TPST1: variants seen among roughly 807,000 people sequenced by gnomAD.
TPST1 encodes tyrosylprotein sulfotransferase 1, also known as protein-tyrosine sulfotransferase 1.
Under a neutral mutation model 34.8 loss-of-function variants are expected in TPST1, and 20 were observed. The ratio of observed to expected loss-of-function variants is 0.57; its 90% CI spans 0.40 to 0.84. The LOEUF (loss-of-function observed/expected upper bound fraction) is 0.84. Among genes scored for constraint, TPST1 ranks in the 40% least tolerant of loss-of-function variants. The pLI is 0.00. For synonymous variants in TPST1, 152 were observed against 159.4 expected (o/e 0.95, Z 0.35); for missense variants, 353 against 455.5 (o/e 0.78, Z 2.05).
rs191791933 is a variant in TPST1, at chr7:66,329,515, A to G, written c.1045-22990A>G. On this transcript the variant is annotated intron_variant, in intron 3 of 5. Transcript: ENST00000304842. ...TAAGAATAAAAGCATTTTCCTCGAC[A>G]ACTGATTATGTTAAAATTTGAAGAC... is the stretch of plus-strand genomic sequence containing the variant. Among the ~76,000 whole-genome samples the G allele has an allele frequency of 3.7e-4, 57 of 152,240 alleles. No individual in the cohort carries two copies. The East Asian group carries it at 0.01, about 27-fold the overall frequency.
chr7:66,200,420 C>CT (rs35086138), upstream of TPST1, among the ~76,000 whole-genome samples: 36,436 of 136,546 alleles, frequency 0.27, 5,290 homozygotes, highest in East Asian at 0.47. Context: ...GTGAAGTTAT[C>CT]TTTTTTTTTT....
Position 66,345,208 on chromosome 7 carries a change from T to C in TPST1, c.1045-7297T>C, listed in dbSNP as rs576378259. ...AAGTTAAGAAAACAAGCAAGATCAATACCAAATGCCAGGTGCGGTGGCTCA... is the reference window on the plus strand; with the variant it reads ...AAGTTAAGAAAACAAGCAAGATCAACACCAAATGCCAGGTGCGGTGGCTCA... On this transcript the variant is annotated intron_variant, in intron 3 of 5. Transcript: ENST00000304842. Among the ~76,000 whole-genome samples the C allele has an allele frequency of 6.0e-5, 9 of 150,918 alleles. No individual in the cohort carries two copies. In the East Asian group the frequency reaches 1.8e-3, roughly 30 times the overall value.
intron 3 of TPST1, among the ~76,000 whole-genome samples, chr7:66,319,231 A>T (rs1259907774): frequency 6.6e-6 from 1 of 152,106 alleles, no homozygotes; most frequent in Non-Finnish European, 1.5e-5. Context: ...TGTCCTCCAG[A>T]TAGTTTAACA....
intron 2 of TPST1, among the ~76,000 whole-genome samples, chr7:66,260,968 C>T (rs1402138465): frequency 6.6e-6 from 1 of 152,172 alleles, no homozygotes; most frequent in East Asian, 1.9e-4. Context: ...TAGCACATCT[C>T]CAGAATTCTC....
intron 3 of TPST1, among the ~76,000 whole-genome samples, chr7:66,318,273 C>T (rs953102772): frequency 1.3e-5 from 2 of 152,112 alleles, no homozygotes; most frequent in Admixed American, 1.3e-4. Context: ...CCTTTTAATG[C>T]TTATGCTATT....
chr7:66,264,532 G>A (rs1207045264), intron 2 of TPST1, among the ~76,000 whole-genome samples: 1 of 152,184 alleles, frequency 6.6e-6, no homozygotes, highest in Non-Finnish European at 1.5e-5. Context: ...AAGCATTTAA[G>A]GCAGTCTGTT....
chr7:66,260,762 T>C, intron 2 of TPST1, among the ~76,000 whole-genome samples: 1 of 152,214 alleles, frequency 6.6e-6, no homozygotes, highest in East Asian at 1.9e-4. Flanking sequence ...TTTGCTTTTA[T>C]GATTTGTTAG....
chr7:66,301,465 G>GCA (rs1398481658), intron 3 of TPST1, among the ~76,000 whole-genome samples: 4 of 152,194 alleles, frequency 2.6e-5, no homozygotes, highest in African/African-American at 7.2e-5. Flanking sequence ...ACTATTTGAT[G>GCA]GAAGAGGCCT....
At chr7:66,342,249 T>C (rs1792252304) in intron 3 of TPST1, among the ~76,000 whole-genome samples, 1 of 152,136 alleles carries the variant, frequency 6.6e-6, no homozygotes, top group East Asian at 1.9e-4. Flanking sequence ...AATTGAGGCT[T>C]CAGGGCAAAC....
At position 66,328,784 on chromosome 7, in the gene TPST1, A is replaced by T. The variant is rs1791923345; in HGVS notation, c.1045-23721A>T. On this transcript the variant is annotated intron_variant, in intron 3 of 5. Coordinates refer to ENST00000304842, the MANE Select transcript of TPST1 (RefSeq NM_003596.4). ...GGTCTTGAACTCCTGGCATCAAGTG[A>T]TCTGCCTGTCTTGGCCTCCCAAAGT... Among the ~76,000 whole-genome samples, 3 of 140,336 alleles carry T rather than the reference A, an allele frequency of 2.1e-5. No homozygotes were observed. The East Asian group carries it at 6.3e-4, about 30-fold the overall frequency. 92.1% of individuals were successfully genotyped at this position (140,336 alleles called of 152,430 possible). A position where few individuals can be genotyped will look rare whatever the true frequency, so the allele number is the denominator to read the frequency against.
chr7:66,356,735 C>A, intron 4 of TPST1, 90 bp from the exon 5 acceptor site: 1 of 1,466,240 alleles, frequency 6.8e-7, no homozygotes, highest in Non-Finnish European at 9.5e-7. Flanking sequence ...ACAGAGCCTG[C>A]GGGCCACCCC....
At chr7:66,217,556 T>A (rs1359373058) in intron 1 of TPST1, among the ~76,000 whole-genome samples, 1 of 152,198 alleles carries the variant, frequency 6.6e-6, no homozygotes, top group Non-Finnish European at 1.5e-5. Context: ...TCAGCCTGTT[T>A]GGTCTTTGAA....
chr7:66,305,723 A>G (rs1430912109), intron 3 of TPST1, among the ~76,000 whole-genome samples: 1 of 152,366 alleles, frequency 6.6e-6, no homozygotes, highest in East Asian at 1.9e-4. Flanking sequence ...TAAGACCTGT[A>G]AACTGGGAGA....
In TPST1 at chr7:66,205,921, T is replaced by G. The variant is rs1789118623; in HGVS notation, c.-102+399T>G. 2.0e-5 allele frequency: 3 copies of G among 152,544 alleles called. No homozygotes were observed. The South Asian group carries it at 6.2e-4, about 32-fold the overall frequency. 9.4% of individuals were successfully genotyped at this position (152,544 alleles called of 1,614,324 possible). A position where few individuals can be genotyped will look rare whatever the true frequency, so the allele number is the denominator to read the frequency against. On this transcript the variant is annotated intron_variant, in intron 1 of 5. Coordinates refer to ENST00000304842, the MANE Select transcript of TPST1 (RefSeq NM_003596.4). The surrounding 1 kb of genome is among the most constrained non-coding windows in gnomAD (Gnocchi z 5.0). ...CTCATCGCCCCATCATCCTACCCGT[T>G]GTACGTAGTCCTGTCTGCATGGCAG...
At chr7:66,336,426 A>G (rs1792123098) in intron 3 of TPST1, among the ~76,000 whole-genome samples, 1 of 152,184 alleles carries the variant, frequency 6.6e-6, no homozygotes, top group African/African-American at 2.4e-5. Flanking sequence ...GAAACAAGAA[A>G]ACAAATAGAA....
intron 2 of TPST1, among the ~76,000 whole-genome samples, chr7:66,263,672 C>A (rs1307819706): frequency 6.6e-6 from 1 of 152,112 alleles, no homozygotes; most frequent in African/African-American, 2.4e-5. Flanking sequence ...ATCTTTTTAG[C>A]CACACAGCAT....
chr7:66,300,869 C>T (rs894134415), intron 3 of TPST1, among the ~76,000 whole-genome samples: 9 of 151,572 alleles, frequency 5.9e-5, no homozygotes, highest in South Asian at 4.2e-4. Flanking sequence ...TCGCTTGAAC[C>T]GGGGAGGGAG....
At chr7:66,200,478 G>C (rs1215781771), upstream of TPST1, among the ~76,000 whole-genome samples, 1 of 106,124 alleles carries the variant, frequency 9.4e-6, no homozygotes, top group Admixed American at 9.3e-5. Context: ...GGAGTGCAGT[G>C]GCGCAATCTC....
chr7:66,341,948 ATATCT>A (rs1441230607), intron 3 of TPST1, among the ~76,000 whole-genome samples: 3 of 152,306 alleles, frequency 2.0e-5, no homozygotes, highest in South Asian at 2.1e-4. Flanking sequence ...AGTTGAGAAA[ATATCT>A]TAGTAAAACA....
Sources: gnomAD v4.1 joint callset for allele counts (sites outside exome capture counted in the v4.1 genomes callset) on GRCh38, gnomAD v4.1.1 for gene constraint, Gnocchi (gnomAD v3.1) non-coding constraint, MANE v1.5 for transcripts, NCBI Gene and HGNC (gene_info 2026-07-23, HGNC 2026-07-21) for gene names.